Variants in ICA1L observed in about 807,000 individuals in gnomAD.
The protein encoded by ICA1L is islet cell autoantigen 1-like protein.
Under a neutral mutation model 61.3 loss-of-function variants are expected in ICA1L, and 50 were observed. The observed-to-expected ratio is 0.82, with a 90% confidence interval of 0.65 to 1.03. ICA1L has a LOEUF of 1.03. Ranked by LOEUF, ICA1L falls within the 50% of genes least tolerant of loss-of-function variation. The pLI, the probability that ICA1L is intolerant of heterozygous loss-of-function variation, is 0.00. For synonymous variants in ICA1L, 161 were observed against 191.3 expected, an observed-to-expected ratio of 0.84 and a Z score of 1.31; for missense variants, 508 against 556.7, an observed-to-expected ratio of 0.91 and a Z score of 0.88.
intron 1 of ICA1L, among the ~76,000 whole-genome samples, chr2:202,829,640 A>G (rs188404925): frequency 1.6e-4 from 24 of 152,290 alleles, no homozygotes; most frequent in Non-Finnish European, 2.9e-4. Context: ...ACATGCTAAT[A>G]CTTGCTTTAT....
At position 202,773,306 on chromosome 2, in the gene ICA1L, T is replaced by C. The variant is rs1692110951; in HGVS notation, c.*6227A>G. Reference sequence around the variant, plus strand: ...TCACATTCGTTCAAATGCATTTCTTTCCCTTAGAGGGACTATTCCAACATC... The same window carrying C: ...TCACATTCGTTCAAATGCATTTCTTCCCCTTAGAGGGACTATTCCAACATC... On this transcript the variant is annotated 3_prime_UTR_variant, in exon 13 of 13. Coordinates refer to ENST00000358299, the MANE Select transcript of ICA1L (RefSeq NM_001288622.3). 1 of 152,692 alleles carries C rather than the reference T, an allele frequency of 6.5e-6. No individual in the cohort carries two copies. The allele number at this position is 152,692 out of a possible 1,614,324, so 9.5% of individuals were successfully genotyped here.
chr2:202,818,499 G>A (rs1038090446), intron 5 of ICA1L, among the ~76,000 whole-genome samples: 2 of 152,282 alleles, frequency 1.3e-5, no homozygotes, highest in East Asian at 3.9e-4. Context: ...TCCAGATAGG[G>A]ACTTGGATTG....
intron 9 of ICA1L, among the ~76,000 whole-genome samples, chr2:202,799,094 G>A (rs986237316): frequency 2.0e-5 from 3 of 152,122 alleles, no homozygotes; most frequent in Non-Finnish European, 4.4e-5. Context: ...TGCAAGTGCA[G>A]GTATCATTTT....
chr2:202,830,860 TTATATTATTTAG>T (rs1693999076), intron 1 of ICA1L, among the ~76,000 whole-genome samples: 1 of 152,126 alleles, frequency 6.6e-6, no homozygotes, highest in South Asian at 2.1e-4. Context: ...AGAAGAACAA[TTATATTATTTAG>T]TATGATAGAT....
At chr2:202,847,410 A>T (rs1324221862) in intron 1 of ICA1L, among the ~76,000 whole-genome samples, 2 of 152,182 alleles carry the variant, frequency 1.3e-5, no homozygotes, top group Non-Finnish European at 2.9e-5. Context: ...TTAAAACTGT[A>T]GTAATAAAAA....
chr2:202,834,456 C>T (rs1347820368), intron 1 of ICA1L, among the ~76,000 whole-genome samples: 1 of 152,018 alleles, frequency 6.6e-6, no homozygotes, highest in East Asian at 1.9e-4. Flanking sequence ...TGGCAAGATC[C>T]TTTCTCTACA....
At chr2:202,821,573 T>C (rs1027214180) in intron 3 of ICA1L, 92 bp from the exon 4 acceptor site, 1 of 890,272 alleles carries the variant, frequency 1.1e-6, no homozygotes. Flanking sequence ...AATAACTCTC[T>C]ATACAAGATT....
Position 202,821,392 on chromosome 2 carries a change from T to A in ICA1L, c.325A>T (p.Thr109Ser), listed in dbSNP as rs1177214641. ...ATQAGKMMDA[T>S]GKALCSSAKQ... is the part of the protein sequence containing the mutation. ...GCTGAAGAACAAAGTGCCTTGCCAG[T>A]GGCATCCATCATTTTGCCAGCTTGA... Residue 109 changes from threonine (T) to serine (S), a missense_variant, in exon 4 of 13, where the codon ACT (threonine) becomes TCT (serine). Transcript: ENST00000358299. 1.9e-6 allele frequency: 3 copies of A among 1,613,640 alleles called. No individual in the cohort carries two copies. The African/African-American group carries it at 4.0e-5, about 22-fold the overall frequency.
At chr2:202,818,470 C>T (rs930383288) in intron 5 of ICA1L, among the ~76,000 whole-genome samples, 3 of 152,082 alleles carry the variant, frequency 2.0e-5, no homozygotes, top group African/African-American at 7.2e-5. Flanking sequence ...AGGGATCAGG[C>T]CATGCAGGGT....
intron 1 of ICA1L, among the ~76,000 whole-genome samples, chr2:202,839,274 G>A (rs1694243732): frequency 6.6e-6 from 1 of 152,118 alleles, no homozygotes; most frequent in Non-Finnish European, 1.5e-5. Context: ...ACTGAGGCAG[G>A]TGGATCACAA....
At chr2:202,818,275 G>C (rs1451129459) in intron 5 of ICA1L, among the ~76,000 whole-genome samples, 1 of 152,184 alleles carries the variant, frequency 6.6e-6, no homozygotes, top group Admixed American at 6.5e-5. Context: ...GGGACAGAAA[G>C]ATGATGAGCA....
intron 1 of ICA1L, chr2:202,841,519 G>A: frequency 1.4e-6 from 1 of 733,294 alleles, no homozygotes; most frequent in Non-Finnish European, 2.5e-6. Context: ...ACACGGCCTG[G>A]ATGTTGGGTT....
At chr2:202,794,207 G>A (rs947975422) in intron 10 of ICA1L, among the ~76,000 whole-genome samples, 11 of 148,388 alleles carry the variant, frequency 7.4e-5, no homozygotes, top group Non-Finnish European at 1.0e-4. Context: ...TTAGCCAGGT[G>A]TGGTGGTATG....
intron 11 of ICA1L, chr2:202,786,803 A>G (rs1692601412): frequency 4.5e-6 from 2 of 445,758 alleles, no homozygotes; most frequent in Non-Finnish European, 8.9e-6. Flanking sequence ...TAGAAACAAT[A>G]AGGAAGGAAT....
In ICA1L at chr2:202,814,717, G is replaced by T. The variant is rs1285130816; in HGVS notation, c.851C>A (p.Thr284Asn). Residue 284 changes from threonine (T) to asparagine (N), a missense_variant, in exon 8 of 13, where the codon ACT becomes AAT. By Grantham distance (65) the Thr-to-Asn change is moderately conservative (BLOSUM62 0). Coordinates refer to ENST00000358299, the MANE Select transcript of ICA1L (RefSeq NM_001288622.3). ...GCCTGCTTACTTATTGAGCTGTTCA[G>T]TAAGAAAACCGCCTATTTGTTCATC... ...NKDEQIGGFL[T>N]EQLNKLVLSD... 6.2e-7 allele frequency: 1 copy of T among 1,613,068 alleles called. No individual in the cohort carries two copies. The highest frequency in any genetic ancestry group is 1.1e-5 in the South Asian group (1 of 90,994).
Position 202,819,873 on chromosome 2 carries a change from CGAGACAGAG to C in ICA1L, c.377_385del (p.Pro126_Ser128del). The C allele has an allele frequency of 1.2e-6, 2 of 1,613,956 alleles. No individual in the cohort carries two copies. Among genetic ancestry groups the C allele is most frequent in the Non-Finnish European group, 1.7e-6 (2 of 1,179,966 alleles). On this transcript the variant is annotated inframe_deletion, in exon 5 of 13. Transcript: ENST00000358299. ...GAATGTTGCTACTTCTTGCTTCAGA[CGAGACAGAG>C]GAGTACACAGGGCCAATCTAATGGC...
At chr2:202,788,048 A>T (rs1021935737) in intron 11 of ICA1L, among the ~76,000 whole-genome samples, 1 of 152,248 alleles carries the variant, frequency 6.6e-6, no homozygotes, top group Non-Finnish European at 1.5e-5. Flanking sequence ...GAAAACCGCA[A>T]GTATTCTTCC....
chr2:202,819,133 A>G (rs1693627609), intron 5 of ICA1L, among the ~76,000 whole-genome samples: 1 of 152,218 alleles, frequency 6.6e-6, no homozygotes, highest in South Asian at 2.1e-4. Flanking sequence ...ATTAAATATT[A>G]TGATTTATAT....
intron 9 of ICA1L, among the ~76,000 whole-genome samples, chr2:202,811,240 T>C (rs917594751): frequency 8.5e-5 from 13 of 152,090 alleles, no homozygotes; most frequent in Admixed American, 5.2e-4. Flanking sequence ...TTGTACTCTG[T>C]CCCTTTATTT....
Sources: gnomAD v4.1 joint callset for allele counts (sites outside exome capture counted in the v4.1 genomes callset) on GRCh38, gnomAD v4.1.1 for gene constraint, MANE v1.5 for transcripts, NCBI Gene and HGNC (gene_info 2026-07-23, HGNC 2026-07-21) for gene names.